DSCAML1: variants seen among roughly 807,000 people sequenced by gnomAD.
DSCAML1 encodes DS cell adhesion molecule like 1.
Under a neutral mutation model 200.5 loss-of-function variants are expected in DSCAML1, and 38 were observed. The observed-to-expected ratio is 0.19, with a 90% CI of 0.15 to 0.25. The LOEUF (loss-of-function observed/expected upper bound fraction) is 0.25, where lower values mean the gene tolerates loss of function less well. DSCAML1 is among the 10% of genes least tolerant of loss of function. DSCAML1 has a pLI of 1.00. For synonymous variants in DSCAML1, 1,215 were observed against 1,165.0 expected (o/e 1.04, Z -0.87); for missense variants, 2,223 against 2,858.8 (o/e 0.78, Z 5.07).
At chr11:117,644,098 G>C (rs2052470994) in intron 3 of DSCAML1, among the ~76,000 whole-genome samples, 1 of 152,222 alleles carries the variant, frequency 6.6e-6, no homozygotes, top group African/African-American at 2.4e-5. Context: ...CTTGCAGGAA[G>C]GGGCCCGTGA....
intron 3 of DSCAML1, among the ~76,000 whole-genome samples, chr11:117,594,465 C>G (rs1250044585): frequency 1.3e-5 from 2 of 152,240 alleles, no homozygotes; most frequent in Admixed American, 1.3e-4. Context: ...CGCTGATGCT[C>G]TCAGCAATGC....
chr11:117,518,831 C>A lies in DSCAML1; in HGVS notation c.1214-69G>T. 2 of 1,509,900 alleles carry A rather than the reference C, an allele frequency of 1.3e-6. No homozygotes were observed. The highest frequency in any genetic ancestry group is 1.8e-6 in the Non-Finnish European group (2 of 1,134,300). The allele number at this position is 1,509,900 out of a possible 1,614,324, so 93.5% of individuals were successfully genotyped here. A position where few individuals can be genotyped will look rare whatever the true frequency, so the allele number is the denominator to read the frequency against. On this transcript the variant is annotated intron_variant, in intron 6 of 32. Transcript: ENST00000651296. The surrounding 1 kb of genome is among the most constrained non-coding windows in gnomAD (Gnocchi z 6.3). ...AGAGACGGTCCCCCCAGCCACCCCA[C>A]CTCAGCAGGGGAGGAGGCAAAAAGC...
At chr11:117,694,315 A>T (rs908479465) in intron 3 of DSCAML1, among the ~76,000 whole-genome samples, 3 of 151,626 alleles carry the variant, frequency 2.0e-5, no homozygotes, top group African/African-American at 7.3e-5. Flanking sequence ...AGGCAGTAGG[A>T]GAATTACCTG....
chr11:117,521,762 CGG>C (rs34512794), intron 5 of DSCAML1, among the ~76,000 whole-genome samples: 64 of 151,692 alleles, frequency 4.2e-4, no homozygotes, highest in African/African-American at 1.2e-3. Context: ...CCTCAGAAAC[CGG>C]GGGGGGCACC....
chr11:117,607,859 C>T (rs148421519), intron 3 of DSCAML1, among the ~76,000 whole-genome samples: 1 of 152,208 alleles, frequency 6.6e-6, no homozygotes, highest in East Asian at 1.9e-4. Flanking sequence ...ATCAAGCGTC[C>T]TTGTCAATAG....
chr11:117,774,039 G>A (rs2134041472), intron 3 of DSCAML1, among the ~76,000 whole-genome samples: 1 of 152,310 alleles, frequency 6.6e-6, no homozygotes, highest in African/African-American at 2.4e-5. Flanking sequence ...GCCGCCTGGG[G>A]GAAGCTCCCT....
Position 117,431,729 on chromosome 11 carries a change from C to G in DSCAML1, c.5180-1G>C. On this transcript the variant is annotated splice_acceptor_variant, in intron 30 of 32. Transcript: ENST00000651296. LOFTEE classifies it high-confidence loss of function. Reference sequence around the variant, plus strand: ...TTCACATTCTTCCTGGACACTGGATCTGCACAGACAGAAGCAAGAAATTGC... The same window carrying G: ...TTCACATTCTTCCTGGACACTGGATGTGCACAGACAGAAGCAAGAAATTGC... 5 of 1,554,768 alleles carry G rather than the reference C, an allele frequency of 3.2e-6. No individual in the cohort carries two copies. The highest frequency in any genetic ancestry group is 4.4e-6 in the Non-Finnish European group (5 of 1,145,356).
At chr11:117,714,519 C>T (rs1439571102) in intron 3 of DSCAML1, among the ~76,000 whole-genome samples, 1 of 152,066 alleles carries the variant, frequency 6.6e-6, no homozygotes, top group Admixed American at 6.6e-5. Flanking sequence ...AAAAGAAGAA[C>T]AAGAAAGTTT....
At chr11:117,754,955 C>T (rs1273210376) in intron 3 of DSCAML1, among the ~76,000 whole-genome samples, 1 of 152,156 alleles carries the variant, frequency 6.6e-6, no homozygotes, top group Non-Finnish European at 1.5e-5. Flanking sequence ...TAAATCCCTC[C>T]CAATCCATGG....
Position 117,548,214 on chromosome 11 carries a change from T to C in DSCAML1, c.512-15692A>G, listed in dbSNP as rs764857970. Among the ~76,000 whole-genome samples the C allele has an allele frequency of 5.3e-5, 8 of 152,238 alleles. 1 individual carries two copies. The highest frequency in any genetic ancestry group is 8.8e-5 in the Non-Finnish European group (6 of 68,034). On this transcript the variant is annotated intron_variant, in intron 3 of 32. Coordinates refer to ENST00000651296, the MANE Select transcript of DSCAML1 (RefSeq NM_020693.4). The stretch of plus-strand genomic sequence containing the variant: ...CTCTAAGCCAGCCCTCTTCCCACCA[T>C]CTGCTTTAATTCTTGCAACAGCCTT...
At chr11:117,616,685 T>C (rs1052515267) in intron 3 of DSCAML1, among the ~76,000 whole-genome samples, 10 of 152,216 alleles carry the variant, frequency 6.6e-5, no homozygotes, top group Admixed American at 5.9e-4. Context: ...ACAAGGGGAC[T>C]CCTGGGGTGC....
intron 2 of DSCAML1, 74 bp from the exon 3 acceptor site, chr11:117,777,011 G>T: frequency 6.6e-7 from 1 of 1,521,802 alleles, no homozygotes; most frequent in East Asian, 2.3e-5. Flanking sequence ...AAGGAACAGG[G>T]AGTCAGCTCA....
intron 3 of DSCAML1, among the ~76,000 whole-genome samples, chr11:117,550,904 T>C (rs1454681466): frequency 6.6e-6 from 1 of 152,230 alleles, no homozygotes; most frequent in East Asian, 1.9e-4. Context: ...TGTATCTCTC[T>C]CTCTTCCTGA....
At chr11:117,517,636 T>G (rs889863404) in intron 7 of DSCAML1, among the ~76,000 whole-genome samples, 3 of 152,184 alleles carry the variant, frequency 2.0e-5, no homozygotes, top group African/African-American at 7.2e-5. Flanking sequence ...AACTCCACCT[T>G]TGCTCCTTTT....
chr11:117,694,092 T>TAC (rs2053544687), intron 3 of DSCAML1, among the ~76,000 whole-genome samples: 1 of 144,874 alleles, frequency 6.9e-6, no homozygotes, highest in Admixed American at 7.0e-5. Flanking sequence ...CATATATATA[T>TAC]ATTTTTTAAA....
At chr11:117,466,839 C>T (rs1034861705) in intron 16 of DSCAML1, among the ~76,000 whole-genome samples, 1 of 152,138 alleles carries the variant, frequency 6.6e-6, no homozygotes, top group African/African-American at 2.4e-5. Context: ...AAACATGGTT[C>T]AAATGGTAGA....
chr11:117,806,316 G>A (rs951002707), intron 1 of DSCAML1, among the ~76,000 whole-genome samples: 10 of 152,166 alleles, frequency 6.6e-5, no homozygotes, highest in African/African-American at 1.9e-4. Context: ...AGGCCTCCCT[G>A]CAGGGGCTCA....
intron 3 of DSCAML1, among the ~76,000 whole-genome samples, chr11:117,567,499 G>A (rs2137429417): frequency 6.6e-6 from 1 of 152,202 alleles, no homozygotes; most frequent in African/African-American, 2.4e-5. Flanking sequence ...AGATGAGTAG[G>A]TTGTGAAAAT....
intron 3 of DSCAML1, among the ~76,000 whole-genome samples, chr11:117,718,976 T>C (rs891844974): frequency 1.3e-5 from 2 of 152,164 alleles, no homozygotes; most frequent in African/African-American, 4.8e-5. Flanking sequence ...AGAGAAGCTG[T>C]GTTCAAATCC....
Sources: gnomAD v4.1 joint callset for allele counts (sites outside exome capture counted in the v4.1 genomes callset) on GRCh38, gnomAD v4.1.1 for gene constraint, Gnocchi (gnomAD v3.1) non-coding constraint, MANE v1.5 for transcripts, NCBI Gene and HGNC (gene_info 2026-07-23, HGNC 2026-07-21) for gene names.